The following SPEF2 variants were observed in gnomAD, a reference collection of about 807,000 sequenced individuals.
The protein encoded by SPEF2 is sperm flagella and cilia-associated protein 2.
In SPEF2, 187 loss-of-function variants were observed where a neutral mutation model predicts 224.6. That is an observed-to-expected ratio of 0.83 (90% confidence interval 0.74 to 0.94). SPEF2 has a LOEUF of 0.94. Among genes scored for constraint, SPEF2 ranks in the 40% least tolerant of loss-of-function variants. SPEF2 has a pLI of 0.00. For missense variants in SPEF2, 2,170 were observed against 2,135.6 expected, an observed-to-expected ratio of 1.02 and a Z score of -0.32; for synonymous variants, 715 against 707.3, an observed-to-expected ratio of 1.01 and a Z score of -0.17.
chr5:35,766,554 T>A lies in SPEF2; in HGVS notation c.3801+2852T>A, dbSNP rs1459682522. Among the ~76,000 whole-genome samples, 17 of 152,038 alleles carry A rather than the reference T, an allele frequency of 1.1e-4. 1 individual carries two copies. Among genetic ancestry groups the A allele is most frequent in the Admixed American group, 1.1e-3 (17 of 15,246 alleles). On this transcript the variant is annotated intron_variant, in intron 26 of 36. Coordinates refer to ENST00000356031, the MANE Select transcript of SPEF2 (RefSeq NM_024867.4). Reference sequence around the variant, plus strand: ...TTGTGCTTTTCCTCTTTTTTTTAAATCAGCTTAGCCAGATGTTTATCAGTT... The same window carrying A: ...TTGTGCTTTTCCTCTTTTTTTTAAAACAGCTTAGCCAGATGTTTATCAGTT...
At chr5:35,670,928 G>A (rs1221255557) in intron 10 of SPEF2, 2 of 985,362 alleles carry the variant, frequency 2.0e-6, no homozygotes, top group East Asian at 1.1e-4. Context: ...TGCACTTCAT[G>A]TTGGATGCAT....
intron 20 of SPEF2, among the ~76,000 whole-genome samples, chr5:35,719,713 C>T (rs1174363957): frequency 6.6e-6 from 1 of 152,102 alleles, no homozygotes; most frequent in African/African-American, 2.4e-5. Flanking sequence ...GCTCCACCTC[C>T]CAGGCTCAAG....
Position 35,659,170 on chromosome 5 carries a change from G to A in SPEF2, c.1130G>A (p.Arg377Gln). Residue 377 changes from arginine (R) to glutamine (Q), a missense_variant, in exon 8 of 37, where the codon CGA becomes CAA. By Grantham distance (43) the Arg-to-Gln change is conservative. Transcript: ENST00000356031. ...IFREKQHEER[R>Q]LKDFQDALDR... Reference sequence around the variant, plus strand: ...AGAGAAAAACAACATGAGGAAAGACGACTTAAAGATTTCCAGGATGCTCTT... The same window carrying A: ...AGAGAAAAACAACATGAGGAAAGACAACTTAAAGATTTCCAGGATGCTCTT... 6.2e-7 allele frequency: 1 copy of A among 1,611,714 alleles called. No homozygotes were observed. Among genetic ancestry groups the A allele is most frequent in the South Asian group, 1.1e-5 (1 of 90,696 alleles).
chr5:35,796,709 G>A (rs1331485155), intron 33 of SPEF2, among the ~76,000 whole-genome samples: 1 of 152,066 alleles, frequency 6.6e-6, no homozygotes, highest in Non-Finnish European at 1.5e-5. Flanking sequence ...ATAATGTATA[G>A]ATTGTTCAAT....
In SPEF2 at chr5:35,646,661, A is replaced by C; in HGVS notation, c.586-6A>C. The C allele has an allele frequency of 1.2e-6, 2 of 1,612,894 alleles. No individual in the cohort carries two copies. Among genetic ancestry groups the C allele is most frequent in the Non-Finnish European group, 1.7e-6 (2 of 1,179,410 alleles). On this transcript the variant is annotated splice_polypyrimidine_tract_variant and splice_region_variant and intron_variant, in intron 4 of 36. Coordinates refer to ENST00000356031, the MANE Select transcript of SPEF2 (RefSeq NM_024867.4). The stretch of plus-strand genomic sequence containing the variant: ...ATCACTAAACTAATGTATATGGGAT[A>C]TTCAGCAATACTTAAACAGAAGACG...
chr5:35,650,131 A>C (rs899243220), intron 6 of SPEF2, among the ~76,000 whole-genome samples: 11 of 152,214 alleles, frequency 7.2e-5, no homozygotes, highest in Non-Finnish European at 1.2e-4. Context: ...AGCAGAAAAA[A>C]ATTACATACT....
chr5:35,696,947 G>A (rs7725527), intron 14 of SPEF2, among the ~76,000 whole-genome samples: 7 of 152,164 alleles, frequency 4.6e-5, no homozygotes, highest in African/African-American at 1.7e-4. Flanking sequence ...CCTGGCCAGC[G>A]GGGCCAGAGA....
At chr5:35,640,137 A>G (rs1746403608) in intron 2 of SPEF2, among the ~76,000 whole-genome samples, 1 of 152,162 alleles carries the variant, frequency 6.6e-6, no homozygotes, top group African/African-American at 2.4e-5. Flanking sequence ...CAATTGAGAG[A>G]AAGAGAAAAC....
At chr5:35,736,855 A>G (rs1277131214) in intron 21 of SPEF2, among the ~76,000 whole-genome samples, 1 of 152,210 alleles carries the variant, frequency 6.6e-6, no homozygotes, top group African/African-American at 2.4e-5. Flanking sequence ...TACTCTCATA[A>G]TAAGCAGATG....
At chr5:35,667,898 C>T (rs574959071) in intron 9 of SPEF2, among the ~76,000 whole-genome samples, 56 of 151,930 alleles carry the variant, frequency 3.7e-4, no homozygotes, top group Non-Finnish European at 6.6e-4. Context: ...ATGACAAATA[C>T]ACAAGTAAAA....
intron 30 of SPEF2, chr5:35,789,350 G>T: frequency 1.4e-6 from 1 of 703,446 alleles, no homozygotes; most frequent in Non-Finnish European, 2.6e-6. Context: ...GTCAATGCTG[G>T]AAATGCTCCA....
chr5:35,788,656 G>A (rs1755523313), intron 30 of SPEF2: 1 of 702,916 alleles, frequency 1.4e-6, no homozygotes, highest in Non-Finnish European at 2.6e-6. Context: ...ACTGGGCAAA[G>A]AAGCTGGTTG....
At chr5:35,669,801 A>G (rs541410038) in intron 9 of SPEF2, among the ~76,000 whole-genome samples, 8 of 152,180 alleles carry the variant, frequency 5.3e-5, no homozygotes, top group African/African-American at 1.4e-4. Flanking sequence ...CCTGTGCAAA[A>G]CGAACAAACT....
chr5:35,713,848 G>T (rs371279254), intron 20 of SPEF2, among the ~76,000 whole-genome samples: 2 of 36,078 alleles, frequency 5.5e-5, no homozygotes, highest in African/African-American at 8.6e-5. Context: ...TTTATATATA[G>T]TATATATATT....
intron 30 of SPEF2, among the ~76,000 whole-genome samples, chr5:35,782,343 C>T (rs1754462684): frequency 6.6e-6 from 1 of 152,124 alleles, no homozygotes; most frequent in East Asian, 1.9e-4. Context: ...TATTTCTATG[C>T]CAAGAAATAA....
chr5:35,737,446 G>A (rs1467322781), intron 21 of SPEF2, among the ~76,000 whole-genome samples: 5 of 142,360 alleles, frequency 3.5e-5, no homozygotes, highest in African/African-American at 5.2e-5. Context: ...TCCCACCTAT[G>A]AGTGAGAACA....
intron 29 of SPEF2, among the ~76,000 whole-genome samples, chr5:35,777,120 A>G (rs1231421691): frequency 1.3e-5 from 2 of 152,214 alleles, no homozygotes; most frequent in Admixed American, 1.3e-4. Context: ...GATGCACTAC[A>G]GTTTACAATA....
At chr5:35,630,330 C>T (rs1156931621) in intron 2 of SPEF2, among the ~76,000 whole-genome samples, 2 of 152,124 alleles carry the variant, frequency 1.3e-5, no homozygotes, top group African/African-American at 4.8e-5. Context: ...GGTTCTGACC[C>T]CACATTTCCC....
chr5:35,669,598 G>T (rs989813277), intron 9 of SPEF2, among the ~76,000 whole-genome samples: 1 of 152,206 alleles, frequency 6.6e-6, no homozygotes, highest in East Asian at 1.9e-4. Context: ...CCGGAACTTA[G>T]TGGGTTTGAA....
Sources: gnomAD v4.1 joint callset for allele counts (sites outside exome capture counted in the v4.1 genomes callset) on GRCh38, gnomAD v4.1.1 for gene constraint, MANE v1.5 for transcripts, NCBI Gene and HGNC (gene_info 2026-07-23, HGNC 2026-07-21) for gene names.